Variants in TOX observed in about 807,000 individuals in gnomAD.
TOX encodes the protein thymocyte selection-associated high mobility group box protein TOX.
Under a neutral mutation model 53.7 loss-of-function variants are expected in TOX, and 11 were observed. That is an observed-to-expected ratio of 0.20 (90% CI 0.13 to 0.34). The LOEUF is 0.34. Among genes scored for constraint, TOX ranks in the 10% least tolerant of loss-of-function variants. TOX has a pLI of 1.00. For synonymous variants in TOX, 225 were observed against 245.3 expected (o/e 0.92, Z 0.77); for missense variants, 570 against 664.6 (o/e 0.86, Z 1.56).
intron 1 of TOX, among the ~76,000 whole-genome samples, chr8:59,010,327 C>T (rs1813880173): frequency 6.6e-6 from 1 of 152,216 alleles, no homozygotes; most frequent in Non-Finnish European, 1.5e-5. Context: ...ATGACTATTA[C>T]TATTATTACT....
intron 1 of TOX, among the ~76,000 whole-genome samples, chr8:59,005,522 C>G (rs1194405672): frequency 6.6e-6 from 1 of 152,182 alleles, no homozygotes; most frequent in Non-Finnish European, 1.5e-5. Flanking sequence ...ACTTATCACA[C>G]TGTTACATTT....
intron 5 of TOX, among the ~76,000 whole-genome samples, chr8:58,835,125 T>C (rs1485155976): frequency 2.6e-5 from 4 of 152,340 alleles, no homozygotes; most frequent in African/African-American, 9.6e-5. Context: ...TACCAAATGA[T>C]TTATATAAGT....
At chr8:58,908,753 T>C (rs1811862313) in intron 3 of TOX, among the ~76,000 whole-genome samples, 1 of 152,204 alleles carries the variant, frequency 6.6e-6, no homozygotes, top group South Asian at 2.1e-4. Flanking sequence ...CAAGACAATA[T>C]ATATTTACTG....
chr8:59,003,561 A>T (rs1337025877), intron 1 of TOX, among the ~76,000 whole-genome samples: 5 of 152,240 alleles, frequency 3.3e-5, no homozygotes, highest in African/African-American at 9.6e-5. Context: ...GGGAAAAGGA[A>T]TGAATAAAAT....
intron 3 of TOX, among the ~76,000 whole-genome samples, chr8:58,867,410 G>A (rs1295211838): frequency 7.9e-5 from 12 of 152,184 alleles, no homozygotes; most frequent in Admixed American, 7.9e-4. Flanking sequence ...TCTGGGGGTG[G>A]GGGTTGAAGG....
intron 6 of TOX, among the ~76,000 whole-genome samples, chr8:58,821,571 T>G (rs1205176772): frequency 6.6e-6 from 1 of 152,138 alleles, no homozygotes; most frequent in Non-Finnish European, 1.5e-5. Context: ...GTTTGAGGAA[T>G]GCTTTCTGCC....
At chr8:59,110,193 T>G (rs1804988216) in intron 1 of TOX, among the ~76,000 whole-genome samples, 1 of 152,164 alleles carries the variant, frequency 6.6e-6, no homozygotes, top group African/African-American at 2.4e-5. Context: ...AAATAAATCA[T>G]TAGCTTTGAT....
intron 1 of TOX, among the ~76,000 whole-genome samples, chr8:59,057,344 G>C (rs542046659): frequency 6.6e-6 from 1 of 152,028 alleles, no homozygotes; most frequent in Non-Finnish European, 1.5e-5. Context: ...CCCTTTACAA[G>C]TATTATTTGC....
chr8:59,068,254 T>G (rs940831195), intron 1 of TOX, among the ~76,000 whole-genome samples: 1 of 151,870 alleles, frequency 6.6e-6, no homozygotes, highest in African/African-American at 2.4e-5. Context: ...AGAAAAAAAA[T>G]AATATTTTCC....
intron 1 of TOX, among the ~76,000 whole-genome samples, chr8:59,023,522 G>A (rs556779003): frequency 4.1e-4 from 62 of 152,200 alleles, no homozygotes; most frequent in South Asian, 1.2e-3. Context: ...AGGAGACTCA[G>A]TCTATGGCTC....
chr8:59,113,776 T>C (rs1464697984), intron 1 of TOX, among the ~76,000 whole-genome samples: 1 of 151,954 alleles, frequency 6.6e-6, no homozygotes, highest in Non-Finnish European at 1.5e-5. Context: ...TAAGAGGCGC[T>C]GGGCATACTG....
At chr8:59,115,882 A>C (rs982938645) in intron 1 of TOX, among the ~76,000 whole-genome samples, 1 of 152,168 alleles carries the variant, frequency 6.6e-6, no homozygotes, top group Non-Finnish European at 1.5e-5. Context: ...GTCTTACAGT[A>C]GAGCAATACT....
intron 1 of TOX, among the ~76,000 whole-genome samples, chr8:59,047,213 T>G (rs1175328084): frequency 1.8e-5 from 2 of 111,454 alleles, no homozygotes; most frequent in Non-Finnish European, 1.9e-5. Context: ...GTTTTTTTTT[T>G]TTTTTTTTTT....
intron 1 of TOX, among the ~76,000 whole-genome samples, chr8:59,032,113 G>A (rs1201674370): frequency 7.9e-5 from 12 of 152,180 alleles, no homozygotes; most frequent in Non-Finnish European, 1.5e-5. Flanking sequence ...TTTGGCTAGA[G>A]CAGGAATATC....
At chr8:59,070,887 T>C (rs1459111553) in intron 1 of TOX, among the ~76,000 whole-genome samples, 1 of 152,140 alleles carries the variant, frequency 6.6e-6, no homozygotes, top group Admixed American at 6.5e-5. Context: ...TGTCACATAA[T>C]TGCATCCCGA....
intron 1 of TOX, among the ~76,000 whole-genome samples, chr8:59,015,178 T>C (rs1563418804): frequency 6.6e-6 from 1 of 152,248 alleles, no homozygotes; most frequent in Non-Finnish European, 1.5e-5. Flanking sequence ...GGCAGTTCCC[T>C]GGTAACAATT....
chr8:58,976,726 G>T (rs1813107507), intron 1 of TOX, among the ~76,000 whole-genome samples: 1 of 152,176 alleles, frequency 6.6e-6, no homozygotes, highest in Middle Eastern at 3.2e-3. Context: ...CGATCCATGG[G>T]TTGCAGAATG....
chr8:58,940,508 T>C lies in TOX; in HGVS notation c.169-964A>G, dbSNP rs80093610. ...AACATCGTTACCAATTAATATTAAA[T>C]ACACAGTGATATATAGCAGTCCTTC... On this transcript the variant is annotated intron_variant, in intron 2 of 8. Transcript: ENST00000361421. Among the ~76,000 whole-genome samples the C allele has an allele frequency of 5.4e-3, 818 of 152,284 alleles. 10 individuals are homozygous for C. Among genetic ancestry groups the C allele is most frequent in the African/African-American group, 0.019 (772 of 41,580 alleles).
intron 8 of TOX, 98 bp downstream of exon 8, chr8:58,808,020 C>G: frequency 6.7e-7 from 1 of 1,489,258 alleles, no homozygotes; most frequent in Middle Eastern, 1.8e-4. Flanking sequence ...TGAAACTATC[C>G]CGGATCATGT....
Sources: allele counts gnomAD v4.1 joint callset (sites outside exome capture counted in the v4.1 genomes callset), GRCh38; gene constraint gnomAD v4.1.1; transcripts MANE v1.5; gene names NCBI Gene and HGNC (gene_info 2026-07-23, HGNC 2026-07-21).